The following SCN11A variants were observed in gnomAD, a reference collection of about 807,000 sequenced individuals.
The protein encoded by SCN11A is sodium voltage-gated channel alpha subunit 11.
SCN11A carries 122 observed loss-of-function variants against 162.2 expected under a neutral mutation model. The observed-to-expected ratio is 0.75, with a 90% confidence interval of 0.65 to 0.87. The LOEUF is 0.87. SCN11A is among the 40% of genes least tolerant of loss of function. SCN11A has a pLI of 0.00. For synonymous variants in SCN11A, 758 were observed against 751.5 expected (o/e 1.01, Z -0.14); for missense variants, 2,015 against 2,181.6 (o/e 0.92, Z 1.52).
In SCN11A at chr3:38,907,962, T is replaced by A. The variant is rs776424902; in HGVS notation, c.1460A>T (p.Asp487Val). 2.5e-6 allele frequency: 4 copies of A among 1,601,174 alleles called. No homozygotes were observed. In the South Asian group the frequency reaches 4.6e-5, roughly 18 times the overall value. ...GAAAAGACTTACCTTTTTTTGGCAATCTTCATCAGAATCTGACCCAGGAGG... is the reference window on the plus strand; with the variant it reads ...GAAAAGACTTACCTTTTTTTGGCAAACTTCATCAGAATCTGACCCAGGAGG... ...DQPPGSDSDE[D>V]CQKKPQLLEQ... Residue 487 changes from aspartate to valine, a missense_variant, in exon 14 of 30, where the codon GAT becomes GTT. Physicochemically the swap from Asp to Val is radical, Grantham distance 152 (BLOSUM62 -3). Transcript: ENST00000302328.
chr3:38,870,007 C>T (rs1479993164), intron 26 of SCN11A, among the ~76,000 whole-genome samples: 6 of 152,162 alleles, frequency 3.9e-5, no homozygotes, highest in Non-Finnish European at 8.8e-5. Flanking sequence ...TCGAAACACA[C>T]ACATGTGCTA....
chr3:38,850,650 T>C lies in SCN11A; in HGVS notation c.4158A>G (p.Glu1386=). 7 of 1,614,026 alleles carry C rather than the reference T, an allele frequency of 4.3e-6. No individual in the cohort carries two copies. Among genetic ancestry groups the C allele is most frequent in the Non-Finnish European group, 5.1e-6 (6 of 1,179,896 alleles). The change falls in exon 29 of 30, where the codon GAA becomes GAG. Residue 1386 remains glutamate (E), a synonymous_variant. Coordinates refer to ENST00000302328, the MANE Select transcript of SCN11A (RefSeq NM_001349253.2). ...TCATGGCTTTGGGTTGGTTGTATGATTCAGCCATCATGCTAATCATGTTTA... is the reference window on the plus strand; with the variant it reads ...TCATGGCTTTGGGTTGGTTGTATGACTCAGCCATCATGCTAATCATGTTTA... The part of the protein sequence containing the change: ...IILNMISMMA[E]SYNQPKAMKS...
intron 1 of SCN11A, among the ~76,000 whole-genome samples, chr3:39,033,426 C>T (rs996023136): frequency 6.6e-6 from 1 of 152,056 alleles, no homozygotes; most frequent in South Asian, 2.1e-4. Flanking sequence ...AACAAAGATT[C>T]GAGACTCAAA....
chr3:38,941,792 CAAT>C (rs1039955505), intron 7 of SCN11A, among the ~76,000 whole-genome samples: 26 of 114,962 alleles, frequency 2.3e-4, no homozygotes, highest in Admixed American at 1.3e-3. Context: ...GGAACAACAA[CAAT>C]GACAAAAAAA....
At position 38,899,922 on chromosome 3, in the gene SCN11A, C is replaced by G. The variant is rs375230194; in HGVS notation, c.1994G>C (p.Ser665Thr). ...DVMNCVLQKR[S>T]WPFLRSFRVL... ...TCTGAAGGAACGCAAGAATGGCCAG[C>G]TTCTCTTTTGAAGTACACAGTTCAT... is the stretch of plus-strand genomic sequence containing the variant. Residue 665 changes from serine (S) to threonine (T), a missense_variant, in exon 17 of 30, where the codon AGC (serine) becomes ACC (threonine). Physicochemically the swap from Ser to Thr is moderately conservative, Grantham distance 58. Coordinates refer to ENST00000302328, the MANE Select transcript of SCN11A (RefSeq NM_001349253.2). 6.2e-7 allele frequency: 1 copy of G among 1,613,982 alleles called. No homozygotes were observed. Among genetic ancestry groups the G allele is most frequent in the Admixed American group, 1.7e-5 (1 of 59,998 alleles).
intron 3 of SCN11A, among the ~76,000 whole-genome samples, chr3:38,958,895 G>A (rs1448936443): frequency 6.6e-6 from 1 of 152,200 alleles, no homozygotes; most frequent in Admixed American, 6.5e-5. Context: ...TGAAAGAAAT[G>A]TTCATCTAGA....
Position 38,960,323 on chromosome 3 carries a change from G to C in SCN11A, c.-179C>G, listed in dbSNP as rs146527334. 6.6e-6 allele frequency among the ~76,000 whole-genome samples: 1 copy of C among 152,170 alleles called. No homozygotes were observed. The highest frequency in any genetic ancestry group is 2.1e-4 in the South Asian group (1 of 4,832). On this transcript the variant is annotated 5_prime_UTR_variant, in exon 3 of 30. In the 5' UTR this introduces an upstream ATG that the reference lacks. Transcript: ENST00000302328. ...GGTGGCTCCAGACAGCAATCCCAGC[G>C]ATACTTCTTGAAGCTCTCCACAGAG...
Position 38,952,805 on chromosome 3 carries a change from T to C in SCN11A, c.-8+824A>G, listed in dbSNP as rs575974108. Reference sequence around the variant, plus strand: ...AGGATGCTCCAGGGAGAGCAAATAGTGTGTACAGGAACCCTCAGCTGAGAA... The same window carrying C: ...AGGATGCTCCAGGGAGAGCAAATAGCGTGTACAGGAACCCTCAGCTGAGAA... On this transcript the variant is annotated intron_variant, in intron 4 of 29. Transcript: ENST00000302328. 1.8e-4 allele frequency among the ~76,000 whole-genome samples: 28 copies of C among 152,184 alleles called. No individual in the cohort carries two copies. The Middle Eastern group carries it at 0.017, about 92-fold the overall frequency.
chr3:38,845,879 C>T lies in SCN11A; in HGVS notation c.*815G>A, dbSNP rs561461410. ...CAAGATTGTGCCTCTAGGTTTTAAA[C>T]AAACCCAAAATAATTAATGTTGGTA... is the stretch of plus-strand genomic sequence containing the variant. On this transcript the variant is annotated 3_prime_UTR_variant, in exon 30 of 30. Coordinates refer to ENST00000302328, the MANE Select transcript of SCN11A (RefSeq NM_001349253.2). The T allele has an allele frequency of 6.6e-6, 1 of 152,178 alleles. No homozygotes were observed. Among genetic ancestry groups the T allele is most frequent in the African/African-American group, 2.4e-5 (1 of 41,546 alleles). The allele number at this position is 152,178 out of a possible 1,614,324, so 9.4% of individuals were successfully genotyped here. A position where few individuals can be genotyped will look rare whatever the true frequency, so the allele number is the denominator to read the frequency against.
intron 7 of SCN11A, among the ~76,000 whole-genome samples, chr3:38,941,466 A>G (rs1324746769): frequency 6.6e-6 from 1 of 152,214 alleles, no homozygotes; most frequent in Non-Finnish European, 1.5e-5. Context: ...AGGAAAAAAA[A>G]TGTCTTTAAA....
intron 22 of SCN11A, 23 bp from the exon 23 acceptor site, chr3:38,880,146 T>A (rs1226031225): frequency 1.3e-6 from 2 of 1,568,448 alleles, no homozygotes; most frequent in East Asian, 2.3e-5. Flanking sequence ...AGCATAGCCA[T>A]AGGCCAGGTT....
intron 7 of SCN11A, among the ~76,000 whole-genome samples, chr3:38,933,059 G>A (rs1180476578): frequency 2.0e-5 from 3 of 152,164 alleles, no homozygotes; most frequent in Admixed American, 6.5e-5. Flanking sequence ...CAGCATTCGC[G>A]GTTCACAAAA....
intron 18 of SCN11A, among the ~76,000 whole-genome samples, chr3:38,895,355 TCAAGCC>T (rs2065578786): frequency 6.6e-6 from 1 of 152,194 alleles, no homozygotes; most frequent in Admixed American, 6.5e-5. Flanking sequence ...AATCTGATAT[TCAAGCC>T]CAATGTACAG....
chr3:38,897,443 A>G (rs1257243120), intron 17 of SCN11A, among the ~76,000 whole-genome samples: 2 of 152,232 alleles, frequency 1.3e-5, no homozygotes, highest in East Asian at 1.9e-4. Context: ...TTGGCCGGGC[A>G]CAGTGGCTCA....
At chr3:38,861,648 C>A (rs1464760132) in intron 28 of SCN11A, among the ~76,000 whole-genome samples, 8 of 152,090 alleles carry the variant, frequency 5.3e-5, no homozygotes, top group Admixed American at 5.2e-4. Flanking sequence ...GGAAAGGACA[C>A]CCTATCCCAC....
intron 21 of SCN11A, 119 bp from the exon 22 acceptor site, chr3:38,883,506 T>A: frequency 3.4e-6 from 3 of 878,238 alleles, no homozygotes; most frequent in Non-Finnish European, 3.5e-6. Context: ...TTGCTCCCAT[T>A]AAAGAAGTAG....
intron 7 of SCN11A, among the ~76,000 whole-genome samples, chr3:38,935,819 G>GA (rs1372707663): frequency 2.0e-5 from 3 of 152,114 alleles, no homozygotes. Flanking sequence ...CATTCCTTCT[G>GA]AACTATTCCA....
chr3:38,997,682 G>A (rs1017819844), intron 2 of SCN11A, among the ~76,000 whole-genome samples: 13 of 152,288 alleles, frequency 8.5e-5, no homozygotes, highest in African/African-American at 2.9e-4. Context: ...GAGACACTTA[G>A]TAAATGTTTG....
chr3:39,006,286 A>C (rs1266241077), intron 2 of SCN11A, among the ~76,000 whole-genome samples: 1 of 152,226 alleles, frequency 6.6e-6, no homozygotes, highest in Non-Finnish European at 1.5e-5. Context: ...TCAGTGCTTC[A>C]AGTGACAACC....
Sources: gnomAD v4.1 joint callset for allele counts (sites outside exome capture counted in the v4.1 genomes callset) on GRCh38, gnomAD v4.1.1 for gene constraint, MANE v1.5 for transcripts, NCBI Gene and HGNC (gene_info 2026-07-23, HGNC 2026-07-21) for gene names.